The following CDC25B variants were observed in gnomAD, a reference collection of about 807,000 sequenced individuals.
The protein encoded by CDC25B is M-phase inducer phosphatase 2.
A neutral mutation model predicts 69.8 loss-of-function variants in CDC25B; 33 were observed. The ratio of observed to expected loss-of-function variants is 0.47; its 90% CI spans 0.36 to 0.63. The LOEUF (loss-of-function observed/expected upper bound fraction) is 0.63. CDC25B is among the 30% of genes least tolerant of loss of function. CDC25B has a pLI of 0.00. For synonymous variants in CDC25B, 341 were observed against 314.6 expected, an observed-to-expected ratio of 1.08 and a Z score of -0.89; for missense variants, 727 against 809.1, an observed-to-expected ratio of 0.90 and a Z score of 1.23.
rs1485009835 is a variant in CDC25B, at chr20:3,798,402, G to C, written c.329-10G>C. The stretch of plus-strand genomic sequence containing the variant: ...CACTACTTTCAAACCAAGGTGCTCT[G>C]TCCCCTCAGGTCTCTGCATGGATTC... On this transcript the variant is annotated splice_polypyrimidine_tract_variant and intron_variant, in intron 2 of 15. Transcript: ENST00000245960. The C allele has an allele frequency of 1.2e-5, 18 of 1,483,994 alleles. No homozygotes were observed. The highest frequency in any genetic ancestry group is 1.6e-5 in the Non-Finnish European group (18 of 1,113,872). The allele number at this position is 1,483,994 out of a possible 1,614,324, so 91.9% of individuals were successfully genotyped here. A position where few individuals can be genotyped will look rare whatever the true frequency, so the allele number is the denominator to read the frequency against.
At position 3,800,194 on chromosome 20, in the gene CDC25B, T is replaced by C. The variant is rs1335434605; in HGVS notation, c.381-94T>C. Reference sequence around the variant, plus strand: ...TGCCTTGAGCCTTGGCCCTTGTCTTTGCCCTTACTCCCCCCTGGACTGGGG... The same window carrying C: ...TGCCTTGAGCCTTGGCCCTTGTCTTCGCCCTTACTCCCCCCTGGACTGGGG... On this transcript the variant is annotated intron_variant, in intron 3 of 15. Coordinates refer to ENST00000245960, the MANE Select transcript of CDC25B (RefSeq NM_021873.4). The C allele has an allele frequency of 4.7e-6, 6 of 1,274,370 alleles. No individual in the cohort carries two copies. The African/African-American group carries it at 5.9e-5, about 13-fold the overall frequency. 78.9% of individuals were successfully genotyped at this position (1,274,370 alleles called of 1,614,324 possible). A position where few individuals can be genotyped will look rare whatever the true frequency, so the allele number is the denominator to read the frequency against.
chr20:3,795,370 A>C (rs1483964744), upstream of CDC25B, among the ~76,000 whole-genome samples: 2 of 87,624 alleles, frequency 2.3e-5, no homozygotes, highest in Admixed American at 1.1e-4. Flanking sequence ...AAAAAAACAA[A>C]ACAAAACAAA....
upstream of CDC25B, chr20:3,796,006 C>T (rs1360007027): frequency 1.0e-6 from 1 of 990,290 alleles, no homozygotes; most frequent in Non-Finnish European, 1.2e-6. Context: ...CGCGGGGGGT[C>T]CTGCGGAGGC....
intron 11 of CDC25B, 54 bp from the exon 12 acceptor site, chr20:3,802,856 G>C: frequency 7.1e-7 from 1 of 1,413,632 alleles, no homozygotes; most frequent in East Asian, 2.3e-5. Context: ...TGAGGCTCCT[G>C]GTCTTACCAA....
chr20:3,789,718 G>A lies in CDC25B; in HGVS notation c.8+2579G>A, dbSNP rs150050099. 6.7e-3 allele frequency among the ~76,000 whole-genome samples: 1,025 copies of A among 152,126 alleles called. 5 individuals carry two copies. Among genetic ancestry groups the A allele is most frequent in the Non-Finnish European group, 0.011 (748 of 68,006 alleles). On this transcript the variant is annotated intron_variant, in intron 1 of 15. Transcript: ENST00000344256. ...AAATAAAGAGAACAACATTGGGCGC[G>A]GTGGCTCATGCCTGTAATCCCAGCA...
At chr20:3,791,416 C>T (rs191685353), upstream of CDC25B, among the ~76,000 whole-genome samples, 1,193 of 152,246 alleles carry the variant, frequency 7.8e-3, 17 homozygotes, top group African/African-American at 0.027. Context: ...GGTGTGGTGG[C>T]TCATGCCTGT....
Position 3,796,620 on chromosome 20 carries a change from C to G in CDC25B, c.89C>G (p.Pro30Arg), listed in dbSNP as rs753500619. ...GGCGCCCAGCGTCCGGGCCACCTCC[C>G]GGGCCTCCTGCTGGGATCTCATGGC... is the stretch of plus-strand genomic sequence containing the variant. ...CGGAQRPGHL[P>R]GLLLGSHGLL... is the part of the protein sequence containing the mutation. Residue 30 changes from proline (P) to arginine (R), a missense_variant, in exon 1 of 16, where the codon CCG becomes CGG. This residue lies in a region of CDC25B where 368 missense variants were observed against 345.6 expected (regional missense o/e 1.06). Coordinates refer to ENST00000245960, the MANE Select transcript of CDC25B (RefSeq NM_021873.4). 1.2e-5 allele frequency: 18 copies of G among 1,448,408 alleles called. No individual in the cohort carries two copies. In the South Asian group the frequency reaches 2.4e-4, roughly 19 times the overall value. The allele number at this position is 1,448,408 out of a possible 1,614,324, so 89.7% of individuals were successfully genotyped here. A position where few individuals can be genotyped will look rare whatever the true frequency, so the allele number is the denominator to read the frequency against.
At chr20:3,801,604 C>A (rs1444466262) in intron 8 of CDC25B, 118 bp from the exon 9 acceptor site, 3 of 1,065,932 alleles carry the variant, frequency 2.8e-6, no homozygotes, top group Middle Eastern at 2.5e-4. Context: ...GGGAGCTTCT[C>A]ACCCCAACCT....
chr20:3,800,766 C>A lies in CDC25B; in HGVS notation c.483C>A (p.Pro161=), dbSNP rs772664176. 2.8e-5 allele frequency: 45 copies of A among 1,610,708 alleles called. 1 individual carries two copies. In the South Asian group the frequency reaches 4.9e-4, roughly 18 times the overall value. ...SMPVRLLGHS[P]VLRNITNSQA... is the part of the protein sequence containing the mutation. ...AGGTGAGGCTGCTGGGCCACAGCCC[C>A]GTGCTTCGGAACATCACCAACTCCC... The change falls in exon 6 of 16, where the codon CCC becomes CCA. Residue 161 remains proline, a synonymous_variant. Coordinates refer to ENST00000245960, the MANE Select transcript of CDC25B (RefSeq NM_021873.4).
chr20:3,802,922 C>G lies in CDC25B; in HGVS notation c.1207C>G (p.Gln403Glu), dbSNP rs1358801506. 1 of 1,613,890 alleles carries G rather than the reference C, an allele frequency of 6.2e-7. No homozygotes were observed. Among genetic ancestry groups the G allele is most frequent in the Non-Finnish European group, 8.5e-7 (1 of 1,179,730 alleles). ...IGDYSKAFLL[Q>E]TVDGKHQDLK... Reference sequence around the variant, plus strand: ...CCGTTCCCTTCAGGCCTTCCTCCTACAGACAGTAGACGGAAAGCACCAAGA... The same window carrying G: ...CCGTTCCCTTCAGGCCTTCCTCCTAGAGACAGTAGACGGAAAGCACCAAGA... The change falls in exon 12 of 16, where the codon CAG becomes GAG. Residue 403 changes from glutamine (Q) to glutamate (E), a missense_variant. Gln to Glu is a conservative substitution (Grantham distance 29). Coordinates refer to ENST00000245960, the MANE Select transcript of CDC25B (RefSeq NM_021873.4).
chr20:3,797,711 C>A lies in CDC25B; in HGVS notation c.290C>A (p.Ser97Tyr), dbSNP rs1425997425. The A allele has an allele frequency of 6.2e-7, 1 of 1,614,038 alleles. No individual in the cohort carries two copies. Among genetic ancestry groups the A allele is most frequent in the Non-Finnish European group, 8.5e-7 (1 of 1,180,034 alleles). The change falls in exon 2 of 16, where the codon TCC becomes TAC. Residue 97 changes from serine to tyrosine, a missense_variant. Ser to Tyr is a moderately radical substitution (Grantham distance 144). Coordinates refer to ENST00000245960, the MANE Select transcript of CDC25B (RefSeq NM_021873.4). ...HLSLSRRASESSLSSESSESS... is the reference protein window; with the variant it reads ...HLSLSRRASEYSLSSESSESS... ...TCCCTGTCTCGACGGGCATCCGAAT[C>A]CTCCCTGTCGTCTGAATCCTCCGAA...
intron 5 of CDC25B, 40 bp from the exon 6 acceptor site, chr20:3,800,703 G>A: frequency 6.2e-7 from 1 of 1,603,038 alleles, no homozygotes; most frequent in Non-Finnish European, 8.5e-7. Flanking sequence ...GAGGAATGCA[G>A]CCTTCATTCC....
Position 3,801,574 on chromosome 20 carries a change from G to A in CDC25B, c.841-148G>A, listed in dbSNP as rs544402500. 3.5e-5 allele frequency: 36 copies of A among 1,035,834 alleles called. 1 individual carries two copies. In the South Asian group the frequency reaches 5.8e-4, roughly 17 times the overall value. 64.2% of individuals were successfully genotyped at this position (1,035,834 alleles called of 1,614,324 possible). On this transcript the variant is annotated intron_variant, in intron 8 of 15. Coordinates refer to ENST00000245960, the MANE Select transcript of CDC25B (RefSeq NM_021873.4). Reference sequence around the variant, plus strand: ...AGAACAGGTGGCTGGTGCCACAGTGGAGGGCGGTTTGGGAGGTAGGGGAGC... The same window carrying A: ...AGAACAGGTGGCTGGTGCCACAGTGAAGGGCGGTTTGGGAGGTAGGGGAGC...
At chr20:3,792,193 T>C (rs1486064104), upstream of CDC25B, among the ~76,000 whole-genome samples, 2 of 152,188 alleles carry the variant, frequency 1.3e-5, no homozygotes, top group Non-Finnish European at 2.9e-5. Flanking sequence ...GGATTACAGG[T>C]GTGAGCCAGC....
chr20:3,793,183 C>T (rs972014881), upstream of CDC25B, among the ~76,000 whole-genome samples: 7 of 152,208 alleles, frequency 4.6e-5, no homozygotes, highest in South Asian at 4.1e-4. Context: ...GTGGGCCAGG[C>T]GCAGTGGCTC....
Position 3,801,505 on chromosome 20 carries a change from T to C in CDC25B, c.840+117T>C. ...TGTCATTCCAGTGTCAGAAGAAGAA[T>C]CTGAGGTAACTGAGTCACAGCCTAA... On this transcript the variant is annotated intron_variant, in intron 8 of 15. Transcript: ENST00000245960. 3 of 1,332,514 alleles carry C rather than the reference T, an allele frequency of 2.3e-6. No individual in the cohort carries two copies. The South Asian group carries it at 4.3e-5, about 19-fold the overall frequency. The allele number at this position is 1,332,514 out of a possible 1,614,324, so 82.5% of individuals were successfully genotyped here. A position where few individuals can be genotyped will look rare whatever the true frequency, so the allele number is the denominator to read the frequency against.
Position 3,803,455 on chromosome 20 carries a change from A to G in CDC25B, c.1408A>G (p.Ser470Gly). Residue 470 changes from serine (S) to glycine (G), a missense_variant, in exon 14 of 16, where the codon AGC becomes GGC. Physicochemically the swap from Ser to Gly is moderately conservative, Grantham distance 56. Transcript: ENST00000245960. The surrounding 1 kb of genome is among the most constrained non-coding windows in gnomAD (Gnocchi z 4.9). ...CGACGCCGAGAGCTTCCTACTGAAG[A>G]GCCCCATCGCGCCCTGTAGCCTGGA... The part of the protein sequence containing the change: ...ERDAESFLLK[S>G]PIAPCSLDKR... 6.2e-7 allele frequency: 1 copy of G among 1,613,928 alleles called. No homozygotes were observed. Among genetic ancestry groups the G allele is most frequent in the Non-Finnish European group, 8.5e-7 (1 of 1,179,960 alleles).
rs1194573844 is a variant in CDC25B, at chr20:3,796,425, C to CT, written c.-107_-106insT. 1.6e-5 allele frequency: 3 copies of CT among 193,062 alleles called. No homozygotes were observed. Among genetic ancestry groups the CT allele is most frequent in the Non-Finnish European group, 2.7e-5 (3 of 109,346 alleles). The allele number at this position is 193,062 out of a possible 1,614,324, so 12.0% of individuals were successfully genotyped here. ...TCTTCCTCCCTCCCTCCTTCCCCCC[C>CT]CCCCCACCCCTCGCCCGCTGCCTCC... On this transcript the variant is annotated 5_prime_UTR_variant, in exon 1 of 16. Transcript: ENST00000245960.
intron 1 of CDC25B, among the ~76,000 whole-genome samples, chr20:3,789,795 C>T (rs985990211): frequency 6.6e-6 from 1 of 152,302 alleles, no homozygotes; most frequent in East Asian, 1.9e-4. Flanking sequence ...CGAGATCATC[C>T]TGGCTAACAC....
Sources: gnomAD v4.1 joint callset for allele counts (sites outside exome capture counted in the v4.1 genomes callset) on GRCh38, gnomAD v4.1.1 for gene constraint, gnomAD v4.1.1 regional missense constraint, Gnocchi (gnomAD v3.1) non-coding constraint, MANE v1.5 for transcripts, NCBI Gene and HGNC (gene_info 2026-07-23, HGNC 2026-07-21) for gene names.